The following SLC2A10 variants were observed in gnomAD, a reference collection of about 807,000 sequenced individuals.
SLC2A10 encodes solute carrier family 2 member 10, also known as solute carrier family 2, facilitated glucose transporter member 10.
A neutral mutation model predicts 32.1 loss-of-function variants in SLC2A10; 25 were observed. That is an observed-to-expected ratio of 0.78 (90% CI 0.57 to 1.09). The LOEUF (loss-of-function observed/expected upper bound fraction) is 1.09, where lower values mean the gene tolerates loss of function less well. Among genes scored for constraint, SLC2A10 ranks in the 50% least tolerant of loss-of-function variants. SLC2A10 has a pLI of 0.00. For missense variants in SLC2A10, 673 were observed against 686.5 expected, an observed-to-expected ratio of 0.98 and a Z score of 0.22; for synonymous variants, 332 against 309.6, an observed-to-expected ratio of 1.07 and a Z score of -0.76.
chr20:46,725,876 G>A lies in SLC2A10; in HGVS notation c.840G>A (p.Lys280=). The A allele has an allele frequency of 6.2e-7, 1 of 1,614,232 alleles. No homozygotes were observed. Among genetic ancestry groups the A allele is most frequent in the African/African-American group, 1.3e-5 (1 of 75,074 alleles). The change falls in exon 2 of 5, where the codon AAG becomes AAA. Residue 280 remains lysine, a synonymous_variant. Transcript: ENST00000359271. ...VLASVGLGAV[K]VAATLTAMGL... ...CCTCTGTGGGGCTTGGCGCAGTGAAGGTGGCAGCTACCCTGACCGCCATGG... is the reference window on the plus strand; with the variant it reads ...CCTCTGTGGGGCTTGGCGCAGTGAAAGTGGCAGCTACCCTGACCGCCATGG...
intron 1 of SLC2A10, among the ~76,000 whole-genome samples, chr20:46,716,246 C>T (rs1394808712): frequency 6.6e-6 from 1 of 151,746 alleles, no homozygotes; most frequent in African/African-American, 2.4e-5. Context: ...TCCACCTTCC[C>T]GGATTCAAAT....
rs959116669 is a variant in SLC2A10 at position 46,731,590 on chromosome 20, C to A, written c.1547+2102C>A. Among the ~76,000 whole-genome samples, 3 of 152,168 alleles carry A rather than the reference C, an allele frequency of 2.0e-5. No individual in the cohort carries two copies. In the East Asian group the frequency reaches 5.8e-4, roughly 29 times the overall value. On this transcript the variant is annotated intron_variant, in intron 4 of 4. Coordinates refer to ENST00000359271, the MANE Select transcript of SLC2A10 (RefSeq NM_030777.4). ...GCAGCTGCGGGGTGTCAGCCTGGAC[C>A]TGGGGTTACATGGGGGGAGCCAAGG...
chr20:46,728,897 T>C (rs1980125553), intron 3 of SLC2A10, among the ~76,000 whole-genome samples: 1 of 152,046 alleles, frequency 6.6e-6, no homozygotes, highest in Non-Finnish European at 1.5e-5. Context: ...AGTGCTGAGA[T>C]TACAGGCATG....
chr20:46,725,868 G>A lies in SLC2A10; in HGVS notation c.832G>A (p.Ala278Thr), dbSNP rs867528850. 1.2e-5 allele frequency: 19 copies of A among 1,614,236 alleles called. No homozygotes were observed. Among genetic ancestry groups the A allele is most frequent in the East Asian group, 2.2e-5 (1 of 44,884 alleles). Residue 278 changes from alanine (A) to threonine (T), a missense_variant, in exon 2 of 5, where the codon GCA (alanine) becomes ACA (threonine). Coordinates refer to ENST00000359271, the MANE Select transcript of SLC2A10 (RefSeq NM_030777.4). ...SAVLASVGLG[A>T]VKVAATLTAM... ...CGTGCTGGCCTCTGTGGGGCTTGGC[G>A]CAGTGAAGGTGGCAGCTACCCTGAC...
At chr20:46,719,329 A>AG (rs1001571835) in intron 1 of SLC2A10, among the ~76,000 whole-genome samples, 2 of 152,142 alleles carry the variant, frequency 1.3e-5, no homozygotes, top group African/African-American at 4.8e-5. Flanking sequence ...CAGCTGTTGA[A>AG]GGGTTATGTT....
At chr20:46,724,671 A>T (rs1326583103) in intron 1 of SLC2A10, among the ~76,000 whole-genome samples, 2 of 135,566 alleles carry the variant, frequency 1.5e-5, no homozygotes, top group Non-Finnish European at 3.1e-5. Context: ...GGATGGATGG[A>T]TGGTTGGAGT....
intron 3 of SLC2A10, among the ~76,000 whole-genome samples, chr20:46,728,306 C>T (rs1464418388): frequency 6.6e-6 from 1 of 152,164 alleles, no homozygotes; most frequent in African/African-American, 2.4e-5. Context: ...GAGGTATGGA[C>T]GTGGCTGTCA....
chr20:46,714,782 G>A (rs188088167), intron 1 of SLC2A10, among the ~76,000 whole-genome samples: 51 of 152,272 alleles, frequency 3.3e-4, no homozygotes, highest in Non-Finnish European at 5.1e-4. Context: ...GGGAACCATG[G>A]AAAGGGAATG....
Position 46,709,694 on chromosome 20 carries a change from C to CG in SLC2A10, c.-41dup. The CG allele has an allele frequency of 6.5e-7, 1 of 1,536,750 alleles. No homozygotes were observed. The highest frequency in any genetic ancestry group is 8.8e-7 in the Non-Finnish European group (1 of 1,142,176). On this transcript the variant is annotated 5_prime_UTR_variant, in exon 1 of 5. Transcript: ENST00000359271. ...GGGACTCCGGCGGGGGATGCGCGCC[C>CG]GGCCCCTCAGCGCCCCCAGCACGCC...
intron 4 of SLC2A10, among the ~76,000 whole-genome samples, chr20:46,731,421 G>A (rs1980292826): frequency 6.6e-6 from 1 of 152,216 alleles, no homozygotes; most frequent in African/African-American, 2.4e-5. Flanking sequence ...TAAAAATCGA[G>A]GGTTCTGTTA....
At chr20:46,709,365 G>C (rs1568977179), upstream of SLC2A10, 3 of 343,328 alleles carry the variant, frequency 8.7e-6, no homozygotes, top group Non-Finnish European at 1.6e-5. Flanking sequence ...GGGGAAGACA[G>C]TGCGTGTGGG....
chr20:46,731,017 T>C (rs1461210236), intron 4 of SLC2A10, among the ~76,000 whole-genome samples: 3 of 152,236 alleles, frequency 2.0e-5, no homozygotes, highest in Non-Finnish European at 4.4e-5. Context: ...CACCCCAGAA[T>C]GTTCTCTCCT....
rs934121969 is a variant in SLC2A10, at chr20:46,726,343, C to T, written c.1288+19C>T. ...GGGCCAGGTAAGTGGAGTTTTCTTGCAGGTGACTCTGGAGACTTCTACCCC... is the reference window on the plus strand; with the variant it reads ...GGGCCAGGTAAGTGGAGTTTTCTTGTAGGTGACTCTGGAGACTTCTACCCC... On this transcript the variant is annotated intron_variant, in intron 2 of 4. Coordinates refer to ENST00000359271, the MANE Select transcript of SLC2A10 (RefSeq NM_030777.4). 2.1e-5 allele frequency: 34 copies of T among 1,603,346 alleles called. No individual in the cohort carries two copies. The highest frequency in any genetic ancestry group is 2.8e-5 in the Non-Finnish European group (33 of 1,179,834).
chr20:46,723,706 CT>C (rs1979685799), intron 1 of SLC2A10, among the ~76,000 whole-genome samples: 1 of 152,164 alleles, frequency 6.6e-6, no homozygotes, highest in Admixed American at 6.5e-5. Flanking sequence ...CCTATTTCTC[CT>C]GCCTCATCAT....
At position 46,726,244 on chromosome 20, in the gene SLC2A10, G is replaced by A. The variant is rs199912561; in HGVS notation, c.1208G>A (p.Arg403Gln). ...SALPGPPLPA[R>Q]GHALLRWTAL... ...CTCCCTGGGCCCCCTCTGCCCGCTC[G>A]GGGGCATGCACTGCTGCGCTGGACC... The change falls in exon 2 of 5, where the codon CGG (arginine) becomes CAG (glutamine). Residue 403 changes from arginine to glutamine, a missense_variant. Physicochemically the swap from Arg to Gln is conservative, Grantham distance 43. Transcript: ENST00000359271. 117 of 1,613,566 alleles carry A rather than the reference G, an allele frequency of 7.3e-5. No individual in the cohort carries two copies. The highest frequency in any genetic ancestry group is 8.9e-5 in the Non-Finnish European group (105 of 1,180,034).
In SLC2A10 at chr20:46,725,488, A is replaced by G; in HGVS notation, c.452A>G (p.Tyr151Cys). 6.2e-7 allele frequency: 1 copy of G among 1,614,108 alleles called. No individual in the cohort carries two copies. The highest frequency in any genetic ancestry group is 1.1e-5 in the South Asian group (1 of 91,084). The change falls in exon 2 of 5, where the codon TAT becomes TGT. Residue 151 changes from tyrosine (Y) to cysteine (C), a missense_variant. Transcript: ENST00000359271. ...ATCACCGTGGGCATCCTGCTCTCCT[A>G]TGCCCTCAACTATGCACTGGCTGGT... ...AGITVGILLS[Y>C]ALNYALAGTP...
intron 1 of SLC2A10, among the ~76,000 whole-genome samples, chr20:46,722,513 T>C (rs1357132586): frequency 6.6e-6 from 1 of 152,228 alleles, no homozygotes; most frequent in Non-Finnish European, 1.5e-5. Context: ...GATAAGCATC[T>C]TTATGAAGGG....
At chr20:46,729,265 A>G in intron 3 of SLC2A10, 88 bp from the exon 4 acceptor site, 2 of 1,556,972 alleles carry the variant, frequency 1.3e-6, no homozygotes, top group African/African-American at 1.4e-5. Context: ...CTGACTTTCC[A>G]TGCCTGACCT....
chr20:46,709,601 G>C (rs959409605), upstream of SLC2A10: 1 of 1,114,232 alleles, frequency 9.0e-7, no homozygotes, highest in East Asian at 3.2e-5. Context: ...CGCTGCGCGC[G>C]GGAGGGCAGG....
Sources: allele counts gnomAD v4.1 joint callset (sites outside exome capture counted in the v4.1 genomes callset), GRCh38; gene constraint gnomAD v4.1.1; transcripts MANE v1.5; gene names NCBI Gene and HGNC (gene_info 2026-07-23, HGNC 2026-07-21).